Variants in USP34 observed in about 807,000 individuals in gnomAD.
The protein encoded by USP34 is ubiquitin carboxyl-terminal hydrolase 34.
Under a neutral mutation model 460.3 loss-of-function variants are expected in USP34, and 70 were observed. That is an observed-to-expected ratio of 0.15 (90% CI 0.13 to 0.19). USP34 has a LOEUF of 0.19. Ranked by LOEUF, USP34 falls within the 10% of genes least tolerant of loss-of-function variation. The pLI, the probability that USP34 is intolerant of heterozygous loss-of-function variation, is 1.00. For missense variants in USP34, 3,985 were observed against 4,236.2 expected (o/e 0.94, Z 1.65); for synonymous variants, 1,647 against 1,405.3 (o/e 1.17, Z -3.85).
At chr2:61,325,081 C>G (rs1015224992) in intron 21 of USP34, among the ~76,000 whole-genome samples, 2 of 151,930 alleles carry the variant, frequency 1.3e-5, no homozygotes, top group African/African-American at 4.8e-5. Context: ...CTAACAGACA[C>G]TGGAGTCTCC....
intron 33 of USP34, among the ~76,000 whole-genome samples, chr2:61,291,452 T>C (rs1333094236): frequency 3.9e-5 from 6 of 152,146 alleles, no homozygotes. Flanking sequence ...GCACAACTGT[T>C]TATAACAACA....
At chr2:61,250,952 C>A (rs1446169457) in intron 48 of USP34, among the ~76,000 whole-genome samples, 2 of 152,090 alleles carry the variant, frequency 1.3e-5, no homozygotes. Context: ...TCCTGGCTAA[C>A]ACAGTGAAAC....
intron 27 of USP34, among the ~76,000 whole-genome samples, chr2:61,311,062 G>A (rs559148318): frequency 6.6e-6 from 1 of 152,242 alleles, no homozygotes; most frequent in African/African-American, 2.4e-5. Flanking sequence ...AACATGGATG[G>A]TGGACCTTCA....
intron 34 of USP34, among the ~76,000 whole-genome samples, chr2:61,288,225 T>C (rs1364215925): frequency 6.6e-6 from 1 of 152,184 alleles, no homozygotes; most frequent in Non-Finnish European, 1.5e-5. Flanking sequence ...AGCTTCTAAG[T>C]TCCTGATAAC....
intron 34 of USP34, among the ~76,000 whole-genome samples, chr2:61,285,618 A>C (rs1689665882): frequency 6.6e-6 from 1 of 152,220 alleles, no homozygotes; most frequent in South Asian, 2.1e-4. Context: ...TGGGGGAAAG[A>C]AATATATACA....
At chr2:61,301,308 A>T in intron 28 of USP34, 46 bp downstream of exon 28, 1 of 1,591,268 alleles carries the variant, frequency 6.3e-7, no homozygotes, top group Admixed American at 1.7e-5. Flanking sequence ...TCAACTGATG[A>T]TTATAAACAG....
intron 6 of USP34, among the ~76,000 whole-genome samples, chr2:61,381,278 A>G (rs1381242464): frequency 6.6e-6 from 1 of 152,076 alleles, no homozygotes; most frequent in African/African-American, 2.4e-5. Context: ...ACACACACAC[A>G]CACACACAAA....
chr2:61,347,761 ATAC>A (rs1182933555), intron 15 of USP34, 106 bp downstream of exon 15: 2 of 1,498,608 alleles, frequency 1.3e-6, no homozygotes, highest in Non-Finnish European at 1.8e-6. Context: ...AGTTTGCACT[ATAC>A]TACTAATGAA....
chr2:61,367,869 A>C, intron 10 of USP34, among the ~76,000 whole-genome samples: 1 of 152,162 alleles, frequency 6.6e-6, no homozygotes, highest in Non-Finnish European at 1.5e-5. Context: ...CACAATGAAA[A>C]TATTTTACCC....
At chr2:61,358,700 T>C (rs1692181369) in intron 10 of USP34, among the ~76,000 whole-genome samples, 2 of 152,092 alleles carry the variant, frequency 1.3e-5, no homozygotes, top group Non-Finnish European at 2.9e-5. Flanking sequence ...AATGACATAA[T>C]CATATACATA....
At chr2:61,305,870 C>G (rs1690388109) in intron 27 of USP34, among the ~76,000 whole-genome samples, 1 of 151,920 alleles carries the variant, frequency 6.6e-6, no homozygotes, top group African/African-American at 2.4e-5. Context: ...AATAACAGAA[C>G]AACAATTTTA....
At chr2:61,450,909 A>G (rs1244582923) in intron 1 of USP34, among the ~76,000 whole-genome samples, 2 of 148,854 alleles carry the variant, frequency 1.3e-5, no homozygotes, top group Non-Finnish European at 3.0e-5. Context: ...AAAGGATTCT[A>G]AAGTTTCATC....
chr2:61,338,815 CAA>C (rs927220999), intron 18 of USP34, among the ~76,000 whole-genome samples: 1 of 151,786 alleles, frequency 6.6e-6, no homozygotes, highest in East Asian at 1.9e-4. Context: ...AACCAAAAAA[CAA>C]AAAAAGACTT....
intron 3 of USP34, among the ~76,000 whole-genome samples, chr2:61,403,505 G>C (rs1402396950): frequency 6.6e-6 from 1 of 152,142 alleles, no homozygotes; most frequent in Non-Finnish European, 1.5e-5. Context: ...AAGTTTGCCT[G>C]ATGGGACTTT....
chr2:61,286,611 C>G (rs1005614453), intron 34 of USP34, among the ~76,000 whole-genome samples: 1 of 151,930 alleles, frequency 6.6e-6, no homozygotes, highest in Non-Finnish European at 1.5e-5. Flanking sequence ...GCCGAGATGG[C>G]GCCAGTGCAC....
rs530097347 is a variant in USP34, at chr2:61,233,297, A to C, written c.7033-765T>G. Among the ~76,000 whole-genome samples, 425 of 152,348 alleles carry C rather than the reference A, an allele frequency of 2.8e-3. 1 individual carries two copies. The highest frequency in any genetic ancestry group is 9.5e-3 in the African/African-American group (395 of 41,582). ...AGAAGGAAACAGAGGAACATGTTAA[A>C]CACCACCAGGAAAATGCAATTAGTC... On this transcript the variant is annotated intron_variant, in intron 57 of 79. Transcript: ENST00000398571.
chr2:61,409,723 A>G (rs1044849037), intron 2 of USP34, among the ~76,000 whole-genome samples: 9 of 152,132 alleles, frequency 5.9e-5, no homozygotes, highest in Non-Finnish European at 8.8e-5. Context: ...CAAAAAGTAA[A>G]TAAATAAATA....
Position 61,435,487 on chromosome 2 carries a change from T to G in USP34, c.44-14654A>C, listed in dbSNP as rs537858048. 8.6e-5 allele frequency among the ~76,000 whole-genome samples: 13 copies of G among 151,868 alleles called. No homozygotes were observed. In the East Asian group the frequency reaches 2.5e-3, roughly 29 times the overall value. ...AAACAAAAAAACAGCTTATCAAGATTATACCCAGCAAAGCTGTCCTGCAGA... is the reference window on the plus strand; with the variant it reads ...AAACAAAAAAACAGCTTATCAAGATGATACCCAGCAAAGCTGTCCTGCAGA... On this transcript the variant is annotated intron_variant, in intron 1 of 79. Coordinates refer to ENST00000398571, the MANE Select transcript of USP34 (RefSeq NM_014709.4).
intron 10 of USP34, among the ~76,000 whole-genome samples, chr2:61,365,256 T>TACACAC (rs34689463): frequency 0.083 from 11,870 of 142,330 alleles, 514 homozygotes; most frequent in Middle Eastern, 0.12. Context: ...CATTTCAAAA[T>TACACAC]ACACACACAC....
Sources: allele counts gnomAD v4.1 joint callset (sites outside exome capture counted in the v4.1 genomes callset), GRCh38; gene constraint gnomAD v4.1.1; transcripts MANE v1.5; gene names NCBI Gene and HGNC (gene_info 2026-07-23, HGNC 2026-07-21).